Variants in SORCS3 observed in about 807,000 individuals in gnomAD.
SORCS3 encodes the protein sortilin related VPS10 domain containing receptor 3.
Under a neutral mutation model 146.3 loss-of-function variants are expected in SORCS3, and 57 were observed. The ratio of observed to expected loss-of-function variants is 0.39; its 90% confidence interval spans 0.31 to 0.49. SORCS3 has a LOEUF of 0.49. Ranked by LOEUF, SORCS3 falls within the 20% of genes least tolerant of loss-of-function variation. The pLI is 0.92. For missense variants in SORCS3, 1,341 were observed against 1,575.5 expected, an observed-to-expected ratio of 0.85 and a Z score of 2.52; for synonymous variants, 653 against 618.5, an observed-to-expected ratio of 1.06 and a Z score of -0.83.
At chr10:105,177,951 A>T in intron 13 of SORCS3, 115 bp from the exon 14 acceptor site, 1 of 719,584 alleles carries the variant, frequency 1.4e-6, no homozygotes, top group Non-Finnish European at 2.4e-6. Context: ...CCTATTGATA[A>T]TCCACACTGC....
intron 3 of SORCS3, among the ~76,000 whole-genome samples, chr10:104,930,705 G>T (rs1325569466): frequency 6.6e-6 from 1 of 152,198 alleles, no homozygotes; most frequent in Non-Finnish European, 1.5e-5. Context: ...GCAGGGGCTG[G>T]CTGGGTTGCT....
At chr10:105,005,691 C>G (rs1039059412) in intron 4 of SORCS3, among the ~76,000 whole-genome samples, 22 of 152,176 alleles carry the variant, frequency 1.4e-4, no homozygotes, top group African/African-American at 5.3e-4. Flanking sequence ...CCCTTGAGCA[C>G]AGTTCTCAGA....
At chr10:105,203,332 C>T (rs537705313) in intron 16 of SORCS3, among the ~76,000 whole-genome samples, 84 of 152,236 alleles carry the variant, frequency 5.5e-4, no homozygotes, top group Middle Eastern at 3.4e-3. Flanking sequence ...TTATTAATCA[C>T]AATTAAGCAA....
At chr10:104,912,762 A>G (rs1345880361) in intron 2 of SORCS3, among the ~76,000 whole-genome samples, 2 of 152,228 alleles carry the variant, frequency 1.3e-5, no homozygotes, top group Non-Finnish European at 2.9e-5. Flanking sequence ...TCAAGGAGTT[A>G]CAGCCAAGGA....
At chr10:104,972,977 GT>G (rs1287647782) in intron 3 of SORCS3, among the ~76,000 whole-genome samples, 1 of 152,162 alleles carries the variant, frequency 6.6e-6, no homozygotes, top group African/African-American at 2.4e-5. Context: ...CTTTGGTTCT[GT>G]TTATATGCTG....
intron 6 of SORCS3, among the ~76,000 whole-genome samples, chr10:105,101,018 G>A (rs368898724): frequency 2.0e-5 from 3 of 152,106 alleles, no homozygotes; most frequent in Non-Finnish European, 1.5e-5. Flanking sequence ...TTCTAGCTTC[G>A]GAGTCCTTGC....
intron 1 of SORCS3, among the ~76,000 whole-genome samples, chr10:104,720,196 AG>A (rs1392766611): frequency 6.6e-6 from 1 of 150,410 alleles, no homozygotes; most frequent in Non-Finnish European, 1.5e-5. Flanking sequence ...CTCATTGTTC[AG>A]TTCCCACCTA....
chr10:104,786,706 T>A (rs2133497194), intron 1 of SORCS3, among the ~76,000 whole-genome samples: 1 of 152,208 alleles, frequency 6.6e-6, no homozygotes, highest in African/African-American at 2.4e-5. Flanking sequence ...GAACAAGCCA[T>A]TCGAGACCAG....
chr10:104,815,233 G>A (rs1431109337), intron 1 of SORCS3, among the ~76,000 whole-genome samples: 1 of 152,126 alleles, frequency 6.6e-6, no homozygotes, highest in Non-Finnish European at 1.5e-5. Flanking sequence ...ACCGAGGCCA[G>A]TGGATCCCTT....
intron 3 of SORCS3, among the ~76,000 whole-genome samples, chr10:104,962,477 G>A (rs921597047): frequency 1.3e-5 from 2 of 152,076 alleles, no homozygotes; most frequent in African/African-American, 4.8e-5. Flanking sequence ...ATAGTTTGGG[G>A]CAGCAGATTC....
chr10:104,660,114 T>C (rs2015681930), intron 1 of SORCS3, among the ~76,000 whole-genome samples: 1 of 152,094 alleles, frequency 6.6e-6, no homozygotes, highest in Non-Finnish European at 1.5e-5. Flanking sequence ...CTGAGGATGA[T>C]AGGAGGGTGG....
At chr10:104,765,156 A>G (rs1359836921) in intron 1 of SORCS3, among the ~76,000 whole-genome samples, 1 of 152,152 alleles carries the variant, frequency 6.6e-6, no homozygotes, top group East Asian at 1.9e-4. Flanking sequence ...GACCCCGTGG[A>G]ACCTAGTCTT....
At chr10:105,173,514 T>C (rs1366203330) in intron 13 of SORCS3, among the ~76,000 whole-genome samples, 2 of 152,188 alleles carry the variant, frequency 1.3e-5, no homozygotes, top group East Asian at 3.9e-4. Flanking sequence ...ATTTCCATTT[T>C]TTTTCCACTA....
chr10:105,116,727 CT>C (rs1408141491), intron 7 of SORCS3, among the ~76,000 whole-genome samples: 1 of 152,064 alleles, frequency 6.6e-6, no homozygotes, highest in Non-Finnish European at 1.5e-5. Context: ...AGATTATGTC[CT>C]TTGCAGCAAC....
intron 8 of SORCS3, among the ~76,000 whole-genome samples, chr10:105,139,834 T>G (rs1040334235): frequency 6.6e-6 from 1 of 152,164 alleles, no homozygotes; most frequent in Non-Finnish European, 1.5e-5. Flanking sequence ...AAGGCCAAAC[T>G]CAGCAGGAGG....
At chr10:104,897,596 G>C (rs2018811074) in intron 2 of SORCS3, among the ~76,000 whole-genome samples, 1 of 152,162 alleles carries the variant, frequency 6.6e-6, no homozygotes, top group Non-Finnish European at 1.5e-5. Context: ...AATTTTGTTG[G>C]TACGATTCCC....
At chr10:104,664,643 T>TG (rs1206421180) in intron 1 of SORCS3, 1 of 152,218 alleles carries the variant, frequency 6.6e-6, no homozygotes, top group Non-Finnish European at 1.5e-5. Flanking sequence ...TTGGAGTAGT[T>TG]GAAGTTGGCA....
At chr10:105,021,991 A>G (rs143293794) in intron 4 of SORCS3, among the ~76,000 whole-genome samples, 2 of 152,344 alleles carry the variant, frequency 1.3e-5, no homozygotes, top group Non-Finnish European at 2.9e-5. Flanking sequence ...CATTTTGGAA[A>G]AGGCAAACCT....
intron 2 of SORCS3, among the ~76,000 whole-genome samples, chr10:104,879,677 C>T (rs751249570): frequency 5.9e-5 from 9 of 152,144 alleles, no homozygotes; most frequent in African/African-American, 1.4e-4. Context: ...AGATGCCTCC[C>T]CTAGTTGGAG....
Sources: gnomAD v4.1 joint callset for allele counts (sites outside exome capture counted in the v4.1 genomes callset) on GRCh38, gnomAD v4.1.1 for gene constraint, MANE v1.5 for transcripts, NCBI Gene and HGNC (gene_info 2026-07-23, HGNC 2026-07-21) for gene names.